The following ATP7A variants were observed in gnomAD, a reference collection of about 807,000 sequenced individuals.
ATP7A encodes the protein copper-transporting ATPase 1.
ATP7A carries 7 observed loss-of-function variants against 83.5 expected under a neutral mutation model. The observed-to-expected ratio is 0.08, with a 90% CI of 0.05 to 0.16. ATP7A has a LOEUF of 0.16. Among genes scored for constraint, ATP7A ranks in the 10% least tolerant of loss-of-function variants. ATP7A has a pLI of 1.00. For synonymous variants in ATP7A, 354 were observed against 395.2 expected (o/e 0.90, Z 1.24); for missense variants, 940 against 1,120.8 (o/e 0.84, Z 2.30).
rs782815622 is a variant in ATP7A, at chrX:77,989,844, A to G, written c.1222A>G (p.Ile408Val). The change falls in exon 4 of 23, where the codon ATA (isoleucine) becomes GTA (valine). Residue 408 changes from isoleucine to valine, a missense_variant. Coordinates refer to ENST00000341514, the MANE Select transcript of ATP7A (RefSeq NM_000052.7). ...VISKKPGVKS[I>V]RVSLANSNGT... ...ATCAAAAAAGCCAGGTGTAAAATCCATACGAGTCTCCCTTGCAAATAGCAA... is the reference window on the plus strand; with the variant it reads ...ATCAAAAAAGCCAGGTGTAAAATCCGTACGAGTCTCCCTTGCAAATAGCAA... 36 of 1,209,251 alleles carry G rather than the reference A, an allele frequency of 3.0e-5. No homozygotes were observed. Among genetic ancestry groups the G allele is most frequent in the Non-Finnish European group, 3.9e-5 (35 of 894,622 alleles).
intron 17 of ATP7A, among the ~76,000 whole-genome samples, chrX:78,036,629 C>T (rs957790599): frequency 1.8e-5 from 2 of 111,464 alleles, no homozygotes; most frequent in South Asian, 3.8e-4. Context: ...GCCTGTAATC[C>T]CAGCACTTTG....
chrX:77,999,418 T>C, intron 5 of ATP7A, among the ~76,000 whole-genome samples: 1 of 112,449 alleles, frequency 8.9e-6, no homozygotes, highest in South Asian at 3.6e-4. Flanking sequence ...TATATTTTTC[T>C]CTTTGCTTGT....
intron 1 of ATP7A, chrX:77,964,921 G>A (rs147803046): frequency 2.7e-5 from 3 of 112,095 alleles, no homozygotes; most frequent in Non-Finnish European, 3.7e-5. Context: ...ATAATCCTTC[G>A]GGTATATATC....
Position 77,988,747 on chromosome X carries a change from T to C in ATP7A, c.610+16T>C. The C allele has an allele frequency of 1.7e-6, 2 of 1,210,531 alleles. No individual in the cohort carries two copies. Among genetic ancestry groups the C allele is most frequent in the Non-Finnish European group, 2.2e-6 (2 of 894,906 alleles). ...CGAATTAAAGGTAATGTGTCTGGTG[T>C]TGATTGTTTTGTAAGGCTTAGGTGT... On this transcript the variant is annotated intron_variant, in intron 3 of 22. Coordinates refer to ENST00000341514, the MANE Select transcript of ATP7A (RefSeq NM_000052.7).
intron 19 of ATP7A, among the ~76,000 whole-genome samples, chrX:78,040,955 G>A (rs190060604): frequency 6.3e-5 from 7 of 111,546 alleles, no homozygotes; most frequent in African/African-American, 9.8e-5. Context: ...GGATGCTTGC[G>A]TGACACTGTA....
intron 1 of ATP7A, chrX:77,969,736 C>A (rs2077535364): frequency 2.0e-6 from 2 of 1,006,068 alleles, no homozygotes; most frequent in Non-Finnish European, 2.7e-6. Flanking sequence ...CCTAACCACT[C>A]ATTTCCCCTC....
intron 1 of ATP7A, among the ~76,000 whole-genome samples, chrX:77,911,068 G>A (rs1426113798): frequency 8.9e-6 from 1 of 112,308 alleles, no homozygotes; most frequent in Non-Finnish European, 1.9e-5. Flanking sequence ...CTCTTGGAGA[G>A]AATGTCCTGA....
In ATP7A at chrX:77,988,554, G is replaced by C; in HGVS notation, c.433G>C (p.Glu145Gln). The change falls in exon 3 of 23, where the codon GAA becomes CAA. Residue 145 changes from glutamate to glutamine, a missense_variant. Glu to Gln is a conservative substitution (Grantham distance 29). This residue lies in a region of ATP7A where 350 missense variants were observed against 432.8 expected (regional missense o/e 0.81). Transcript: ENST00000341514. Reference sequence around the variant, plus strand: ...CAATCAGATAAAAGAGCTGGTTCCAGAACTCAGTTTAGATACTGGGACACT... The same window carrying C: ...CAATCAGATAAAAGAGCTGGTTCCACAACTCAGTTTAGATACTGGGACACT... ...NANQIKELVP[E>Q]LSLDTGTLEK... The C allele has an allele frequency of 8.3e-7, 1 of 1,211,638 alleles. No homozygotes were observed. Among genetic ancestry groups the C allele is most frequent in the Non-Finnish European group, 1.1e-6 (1 of 895,393 alleles).
chrX:78,013,873 T>TC (rs1406011251), intron 10 of ATP7A, among the ~76,000 whole-genome samples: 8 of 100,934 alleles, frequency 7.9e-5, no homozygotes, highest in Non-Finnish European at 1.4e-4. Context: ...CAGCATTGCA[T>TC]CCCCCCCACA....
At chrX:78,022,895 A>G (rs782541801) in intron 14 of ATP7A, among the ~76,000 whole-genome samples, 11 of 111,539 alleles carry the variant, frequency 9.9e-5, no homozygotes, top group African/African-American at 2.9e-4. Flanking sequence ...TCTCCCAAAC[A>G]GTGAACATAG....
intron 19 of ATP7A, 102 bp from the exon 20 acceptor site, chrX:78,042,483 T>C (rs2078056168): frequency 6.0e-6 from 5 of 835,458 alleles, no homozygotes; most frequent in Non-Finnish European, 9.0e-6. Context: ...TCTTTTAAAA[T>C]GTGGACATCT....
chrX:78,034,746 CTTTTT>C (rs781904882), intron 17 of ATP7A, among the ~76,000 whole-genome samples: 1 of 100,204 alleles, frequency 1.0e-5, no homozygotes. Flanking sequence ...CTGGCTGTTC[CTTTTT>C]TTTTTTTTTT....
At chrX:77,982,838 G>C (rs2077612192) in intron 2 of ATP7A, among the ~76,000 whole-genome samples, 1 of 111,894 alleles carries the variant, frequency 8.9e-6, no homozygotes, top group East Asian at 2.8e-4. Flanking sequence ...GATCACCTTT[G>C]TCTTAGTCTG....
Position 78,011,213 on chromosome X carries a change from G to T in ATP7A, c.1907G>T (p.Arg636Leu). Reference sequence around the variant, plus strand: ...GAAGCTTCTTTGGTCAAGAAGGATCGGTCAGCAAGTCACTTAGATCATAAA... The same window carrying T: ...GAAGCTTCTTTGGTCAAGAAGGATCTGTCAGCAAGTCACTTAGATCATAAA... ...GFEASLVKKD[R>L]SASHLDHKRE... The change falls in exon 8 of 23, where the codon CGG becomes CTG. Residue 636 changes from arginine (R) to leucine (L), a missense_variant. By Grantham distance (102) the Arg-to-Leu change is moderately radical. Around this residue, in one of 3 missense-constraint regions of ATP7A, gnomAD observed 204 missense variants for 185.8 expected, o/e 1.10. Coordinates refer to ENST00000341514, the MANE Select transcript of ATP7A (RefSeq NM_000052.7). 1 of 1,210,310 alleles carries T rather than the reference G, an allele frequency of 8.3e-7. No homozygotes were observed. Among genetic ancestry groups the T allele is most frequent in the Admixed American group, 2.2e-5 (1 of 45,928 alleles).
At position 77,937,097 on chromosome X, in the gene ATP7A, C is replaced by T. The variant is rs147527488; in HGVS notation, c.-22+26262C>T. ...GCAAATAAAGGAAATGCAGATTAGGCAGATGAAAATTAAAACCAAAATAAC... is the reference window on the plus strand; with the variant it reads ...GCAAATAAAGGAAATGCAGATTAGGTAGATGAAAATTAAAACCAAAATAAC... On this transcript the variant is annotated intron_variant, in intron 1 of 22. Transcript: ENST00000341514. Among the ~76,000 whole-genome samples the T allele has an allele frequency of 7.4e-3, 835 of 112,700 alleles. 4 individuals are homozygous for T. Among genetic ancestry groups the T allele is most frequent in the Non-Finnish European group, 0.012 (650 of 53,296 alleles).
intron 1 of ATP7A, among the ~76,000 whole-genome samples, chrX:77,922,362 G>A (rs2077220767): frequency 1.8e-5 from 2 of 110,135 alleles, no homozygotes; most frequent in South Asian, 3.8e-4. Context: ...AAATTAGCTG[G>A]GCATGTGGTG....
rs782283850 is a variant in ATP7A at position 77,932,799 on chromosome X, G to C, written c.-22+21964G>C. Among the ~76,000 whole-genome samples the C allele has an allele frequency of 5.7e-4, 64 of 112,397 alleles. 1 individual carries two copies. Among genetic ancestry groups the C allele is most frequent in the Admixed American group, 9.3e-4 (10 of 10,702 alleles). On this transcript the variant is annotated intron_variant, in intron 1 of 22. Transcript: ENST00000341514. ...GCGCGCCTGCAATCGCAGGCACTCG[G>C]CAGGCTGAGGCAGGAGAATCAGGCA...
intron 1 of ATP7A, chrX:77,962,946 C>A: frequency 3.4e-6 from 1 of 292,006 alleles, no homozygotes; most frequent in Non-Finnish European, 6.8e-6. Flanking sequence ...CATACTTCCT[C>A]ATATATGATC....
At chrX:77,911,485 CTT>C (rs2077159513) in intron 1 of ATP7A, among the ~76,000 whole-genome samples, 2 of 109,491 alleles carry the variant, frequency 1.8e-5, no homozygotes, top group East Asian at 5.7e-4. Context: ...ATCACAGACT[CTT>C]TATCTACAAT....
Sources: gnomAD v4.1 joint callset for allele counts (sites outside exome capture counted in the v4.1 genomes callset) on GRCh38, gnomAD v4.1.1 for gene constraint, gnomAD v4.1.1 regional missense constraint, MANE v1.5 for transcripts, NCBI Gene and HGNC (gene_info 2026-07-23, HGNC 2026-07-21) for gene names.